Variants in MIPEP observed in about 807,000 individuals in gnomAD.
The protein encoded by MIPEP is mitochondrial intermediate peptidase.
In MIPEP, 79 loss-of-function variants were observed where a neutral mutation model predicts 90.3. That is an observed-to-expected ratio of 0.87 (90% CI 0.73 to 1.05). The LOEUF (loss-of-function observed/expected upper bound fraction) is 1.05, where lower values mean the gene tolerates loss of function less well. Among genes scored for constraint, MIPEP ranks in the 50% least tolerant of loss-of-function variants. The pLI is 0.00. For missense variants in MIPEP, 940 were observed against 905.6 expected, an observed-to-expected ratio of 1.04 and a Z score of -0.49; for synonymous variants, 334 against 315.8, an observed-to-expected ratio of 1.06 and a Z score of -0.61.
intron 10 of MIPEP, among the ~76,000 whole-genome samples, chr13:23,852,987 T>C (rs1869870480): frequency 6.6e-6 from 1 of 152,120 alleles, no homozygotes; most frequent in Admixed American, 6.5e-5. Context: ...AAAAAGTTTA[T>C]AGAGTAAGGA....
chr13:23,815,154 C>T (rs541249183), intron 14 of MIPEP, among the ~76,000 whole-genome samples: 6 of 152,256 alleles, frequency 3.9e-5, no homozygotes, highest in East Asian at 1.9e-4. Flanking sequence ...CTGACTTTGA[C>T]GAACTTTATT....
At position 23,774,396 on chromosome 13, in the gene MIPEP, C is replaced by T. The variant is rs147574877; in HGVS notation, c.1849-14179G>A. 3.0e-3 allele frequency among the ~76,000 whole-genome samples: 462 copies of T among 152,124 alleles called. 3 individuals carry two copies. Among genetic ancestry groups the T allele is most frequent in the African/African-American group, 9.9e-3 (411 of 41,492 alleles). On this transcript the variant is annotated intron_variant, in intron 16 of 18. Transcript: ENST00000382172. ...ATTGTTTTGGCTATTCTGGGTCTCC[C>T]ACATTTCCGTGAGAAATTTTATTAG...
chr13:23,771,892 C>T (rs1013686814), intron 16 of MIPEP, among the ~76,000 whole-genome samples: 2 of 152,152 alleles, frequency 1.3e-5, no homozygotes, highest in African/African-American at 4.8e-5. Flanking sequence ...TTAAAAAGTA[C>T]ATCCTATTAA....
intron 16 of MIPEP, among the ~76,000 whole-genome samples, chr13:23,776,968 T>C (rs1952724818): frequency 6.6e-6 from 1 of 152,194 alleles, no homozygotes; most frequent in East Asian, 1.9e-4. Flanking sequence ...GTACAATAGA[T>C]CATAATGTAA....
At chr13:23,819,173 G>A (rs1336527780) in intron 14 of MIPEP, among the ~76,000 whole-genome samples, 1 of 152,130 alleles carries the variant, frequency 6.6e-6, no homozygotes, top group East Asian at 1.9e-4. Flanking sequence ...GTTTTATACT[G>A]AGCTCCTACA....
chr13:23,760,156 A>G lies in MIPEP; in HGVS notation c.1910T>C (p.Met637Thr), dbSNP rs1280862404. ...GYGARYYSYL[M>T]SRAVASMVWK... The stretch of plus-strand genomic sequence containing the variant: ...AACCATGGAGGCGACCGCTCTGGAC[A>G]TGAGGTAAGAGTAATATCTAGCACC... Residue 637 changes from methionine (M) to threonine (T), a missense_variant, in exon 17 of 19, where the codon ATG (methionine) becomes ACG (threonine). Transcript: ENST00000382172. 1.9e-6 allele frequency: 3 copies of G among 1,614,020 alleles called. No individual in the cohort carries two copies. Among genetic ancestry groups the G allele is most frequent in the Admixed American group, 1.7e-5 (1 of 59,998 alleles).
chr13:23,818,763 T>C (rs1385506964), intron 14 of MIPEP, among the ~76,000 whole-genome samples: 1 of 152,218 alleles, frequency 6.6e-6, no homozygotes, highest in Non-Finnish European at 1.5e-5. Flanking sequence ...GAGTTCATTA[T>C]GTATGGAGAA....
At chr13:23,839,229 G>C (rs1181514594) in intron 12 of MIPEP, among the ~76,000 whole-genome samples, 4 of 152,196 alleles carry the variant, frequency 2.6e-5, no homozygotes. Flanking sequence ...TTGGGGATCT[G>C]CTCAGGATGT....
chr13:23,817,753 A>G (rs976231961), intron 14 of MIPEP, among the ~76,000 whole-genome samples: 10 of 152,126 alleles, frequency 6.6e-5, no homozygotes, highest in African/African-American at 2.2e-4. Context: ...CCTGTGATTC[A>G]GGTATGCTGC....
At chr13:23,749,095 C>T (rs1952413168) in intron 18 of MIPEP, among the ~76,000 whole-genome samples, 1 of 152,176 alleles carries the variant, frequency 6.6e-6, no homozygotes, top group African/African-American at 2.4e-5. Flanking sequence ...TTAACTACTA[C>T]TAATTTTCAG....
intron 3 of MIPEP, 42 bp from the exon 4 acceptor site, chr13:23,879,396 T>C (rs1051691825): frequency 9.6e-7 from 1 of 1,041,882 alleles, no homozygotes. Flanking sequence ...GATTTTCTAA[T>C]ACCTTATTTT....
intron 14 of MIPEP, among the ~76,000 whole-genome samples, chr13:23,817,082 T>C (rs1238660469): frequency 6.6e-6 from 1 of 152,218 alleles, no homozygotes; most frequent in Non-Finnish European, 1.5e-5. Flanking sequence ...TACCTGCCTT[T>C]TCCTGTAGGA....
At chr13:23,881,534 C>A (rs1419094014) in intron 3 of MIPEP, among the ~76,000 whole-genome samples, 165 bp downstream of exon 3, 3 of 152,228 alleles carry the variant, frequency 2.0e-5, no homozygotes, top group African/African-American at 7.2e-5. Context: ...CGAGGTGAGC[C>A]AATGGCCTGT....
chr13:23,814,096 T>C (rs1358481402), intron 14 of MIPEP, among the ~76,000 whole-genome samples: 1 of 152,210 alleles, frequency 6.6e-6, no homozygotes, highest in Non-Finnish European at 1.5e-5. Context: ...TAAATAATTT[T>C]CACCGTATTA....
intron 17 of MIPEP, among the ~76,000 whole-genome samples, chr13:23,757,409 C>T (rs377598337): frequency 4.6e-5 from 7 of 152,260 alleles, no homozygotes; most frequent in African/African-American, 1.7e-4. Context: ...AGTCTGTGGC[C>T]TGGGGGTTGG....
At chr13:23,831,277 C>T (rs1017565049) in intron 14 of MIPEP, among the ~76,000 whole-genome samples, 1 of 150,610 alleles carries the variant, frequency 6.6e-6, no homozygotes, top group African/African-American at 2.4e-5. Flanking sequence ...ACAAATAGAT[C>T]CTGCCTCCAT....
chr13:23,851,629 A>G (rs1361254967), intron 10 of MIPEP, among the ~76,000 whole-genome samples: 2 of 152,196 alleles, frequency 1.3e-5, no homozygotes, highest in Non-Finnish European at 2.9e-5. Context: ...GTCAGCATCA[A>G]TCTACCTAGT....
intron 10 of MIPEP, among the ~76,000 whole-genome samples, chr13:23,844,214 G>C (rs978333359): frequency 2.0e-5 from 3 of 152,064 alleles, no homozygotes; most frequent in African/African-American, 7.2e-5. Flanking sequence ...AACTACCAGA[G>C]GGAGGGGTGG....
At chr13:23,808,259 T>C (rs1271380946) in intron 15 of MIPEP, among the ~76,000 whole-genome samples, 6 of 152,112 alleles carry the variant, frequency 3.9e-5, no homozygotes, top group Non-Finnish European at 8.8e-5. Flanking sequence ...CCACCACGCC[T>C]GGCTAATTTT....
Sources: allele counts gnomAD v4.1 joint callset (sites outside exome capture counted in the v4.1 genomes callset), GRCh38; gene constraint gnomAD v4.1.1; transcripts MANE v1.5; gene names NCBI Gene and HGNC (gene_info 2026-07-23, HGNC 2026-07-21).